EPHA4: variants seen among roughly 807,000 people sequenced by gnomAD.
The protein encoded by EPHA4 is EPH receptor A4, also known as ephrin type-A receptor 4.
EPHA4 carries 19 observed loss-of-function variants against 108.3 expected under a neutral mutation model. The ratio of observed to expected loss-of-function variants is 0.18; its 90% CI spans 0.12 to 0.26. The LOEUF (loss-of-function observed/expected upper bound fraction) is 0.26, where lower values mean the gene tolerates loss of function less well. Among genes scored for constraint, EPHA4 ranks in the 10% least tolerant of loss-of-function variants. The pLI is 1.00. For synonymous variants in EPHA4, 449 were observed against 455.5 expected, an observed-to-expected ratio of 0.99 and a Z score of 0.18; for missense variants, 917 against 1,254.0, an observed-to-expected ratio of 0.73 and a Z score of 4.06.
At chr2:221,470,609 ACC>A (rs1491563459) in intron 5 of EPHA4, among the ~76,000 whole-genome samples, 4 of 44,762 alleles carry the variant, frequency 8.9e-5, no homozygotes, top group Non-Finnish European at 1.5e-4. Context: ...ACTTTAGGGA[ACC>A]TGCTTTTCCC....
chr2:221,445,678 A>G (rs1690573731), intron 9 of EPHA4, among the ~76,000 whole-genome samples: 1 of 152,188 alleles, frequency 6.6e-6, no homozygotes, highest in Admixed American at 6.5e-5. Flanking sequence ...TGGAACATCA[A>G]AATTAGAATC....
chr2:221,552,056 C>T (rs1694178935), intron 3 of EPHA4, among the ~76,000 whole-genome samples: 1 of 152,046 alleles, frequency 6.6e-6, no homozygotes, highest in Admixed American at 6.5e-5. Context: ...TAATTAGTAC[C>T]TTTGCACCCT....
At chr2:221,557,228 T>C (rs1694332342) in intron 3 of EPHA4, among the ~76,000 whole-genome samples, 1 of 152,196 alleles carries the variant, frequency 6.6e-6, no homozygotes, top group South Asian at 2.1e-4. Context: ...ACCAGCCATT[T>C]GGTACCATCG....
At chr2:221,453,120 G>T (rs1215522580) in intron 8 of EPHA4, among the ~76,000 whole-genome samples, 1 of 152,162 alleles carries the variant, frequency 6.6e-6, no homozygotes, top group Admixed American at 6.5e-5. Flanking sequence ...TACAACTAGA[G>T]AATGTTTCCA....
In EPHA4 at chr2:221,420,357, A is replaced by C. The variant is rs1689722254; in HGVS notation, c.*1015T>G. On this transcript the variant is annotated 3_prime_UTR_variant, in exon 18 of 18. Transcript: ENST00000281821. ...GTGTTTGCTGTTTCTTTCACTGCGAAAGGGGATTTGAAAGTCACACATTTA... is the reference window on the plus strand; with the variant it reads ...GTGTTTGCTGTTTCTTTCACTGCGACAGGGGATTTGAAAGTCACACATTTA... 1 of 152,696 alleles carries C rather than the reference A, an allele frequency of 6.5e-6. No individual in the cohort carries two copies. Among genetic ancestry groups the C allele is most frequent in the Non-Finnish European group, 1.5e-5 (1 of 68,060 alleles). The allele number at this position is 152,696 out of a possible 1,614,324, so 9.5% of individuals were successfully genotyped here.
intron 3 of EPHA4, among the ~76,000 whole-genome samples, chr2:221,556,884 A>C (rs1033540345): frequency 6.6e-6 from 1 of 152,196 alleles, no homozygotes. Context: ...GCATAGGTAC[A>C]TATGTATAGA....
chr2:221,439,467 G>A (rs1325356409), intron 11 of EPHA4, among the ~76,000 whole-genome samples: 2 of 151,594 alleles, frequency 1.3e-5, no homozygotes, highest in Admixed American at 1.3e-4. Flanking sequence ...CTGCACTCAA[G>A]CCTGGGTGAA....
At chr2:221,546,726 A>G (rs1049777656) in intron 3 of EPHA4, among the ~76,000 whole-genome samples, 1 of 152,216 alleles carries the variant, frequency 6.6e-6, no homozygotes, top group African/African-American at 2.4e-5. Flanking sequence ...CTGAGAAAAG[A>G]CAATAAAGAA....
At chr2:221,546,979 T>G (rs1353737061) in intron 3 of EPHA4, among the ~76,000 whole-genome samples, 1 of 152,168 alleles carries the variant, frequency 6.6e-6, no homozygotes, top group Non-Finnish European at 1.5e-5. Context: ...TTTGTGGCTA[T>G]CATAATTCAG....
At chr2:221,480,073 T>C (rs1164303163) in intron 5 of EPHA4, among the ~76,000 whole-genome samples, 5 of 14,854 alleles carry the variant, frequency 3.4e-4, no homozygotes, top group African/African-American at 1.4e-3. Flanking sequence ...CCCCCGGAAA[T>C]GTTTTTGCAT....
At chr2:221,563,353 G>C (rs1694523358) in intron 3 of EPHA4, among the ~76,000 whole-genome samples, 1 of 152,158 alleles carries the variant, frequency 6.6e-6, no homozygotes, top group Non-Finnish European at 1.5e-5. Context: ...AACAATCTTT[G>C]TCATTTTACC....
chr2:221,517,932 C>A (rs1001336087), intron 3 of EPHA4, among the ~76,000 whole-genome samples: 1 of 152,132 alleles, frequency 6.6e-6, no homozygotes, highest in Admixed American at 6.5e-5. Flanking sequence ...GCTTCCTGAG[C>A]GTGATTCAAA....
intron 11 of EPHA4, among the ~76,000 whole-genome samples, chr2:221,440,732 C>CT (rs1342229229): frequency 6.6e-5 from 10 of 151,922 alleles, no homozygotes; most frequent in African/African-American, 2.2e-4. Flanking sequence ...GGTAACCACT[C>CT]TAAGTATTCT....
intron 3 of EPHA4, among the ~76,000 whole-genome samples, chr2:221,544,956 T>A (rs867290695): frequency 6.6e-6 from 1 of 152,198 alleles, no homozygotes; most frequent in Non-Finnish European, 1.5e-5. Context: ...CCAACCCTGA[T>A]GAACCCTTGA....
At chr2:221,544,546 G>A (rs983019218) in intron 3 of EPHA4, among the ~76,000 whole-genome samples, 16 of 152,074 alleles carry the variant, frequency 1.1e-4, no homozygotes, top group African/African-American at 3.9e-4. Flanking sequence ...GGCTGGTCTC[G>A]AACTCCTGAC....
intron 4 of EPHA4, among the ~76,000 whole-genome samples, chr2:221,499,746 ATATATATATATTTTT>A (rs1330513347): frequency 3.1e-4 from 15 of 48,422 alleles, no homozygotes; most frequent in African/African-American, 1.7e-3. Context: ...ATATATATAT[ATATATATATATTTTT>A]TTTTTTTTTT....
intron 8 of EPHA4, among the ~76,000 whole-genome samples, chr2:221,453,409 C>A (rs1690843615): frequency 6.6e-6 from 1 of 152,084 alleles, no homozygotes; most frequent in Admixed American, 6.5e-5. Flanking sequence ...TGCTTCCCAC[C>A]ATCAGATGGA....
rs757604040 is a variant in EPHA4, at chr2:221,437,126, G to C, written c.2075-4C>G. ...GTTATGATCATTACTGGTTTACCTA[G>C]AGTTTTCAGAAAGAAAAACACAAAC... On this transcript the variant is annotated splice_polypyrimidine_tract_variant and splice_region_variant and intron_variant, in intron 11 of 17. Coordinates refer to ENST00000281821, the MANE Select transcript of EPHA4 (RefSeq NM_004438.5). The C allele has an allele frequency of 1.9e-6, 3 of 1,610,106 alleles. No homozygotes were observed. The highest frequency in any genetic ancestry group is 2.5e-6 in the Non-Finnish European group (3 of 1,177,410).
chr2:221,475,033 T>A (rs1334715002), intron 5 of EPHA4, among the ~76,000 whole-genome samples: 2 of 151,986 alleles, frequency 1.3e-5, no homozygotes, highest in Non-Finnish European at 2.9e-5. Flanking sequence ...ACAACACCCG[T>A]CTAATTTTGG....
Sources: allele counts gnomAD v4.1 joint callset (sites outside exome capture counted in the v4.1 genomes callset), GRCh38; gene constraint gnomAD v4.1.1; transcripts MANE v1.5; gene names NCBI Gene and HGNC (gene_info 2026-07-23, HGNC 2026-07-21).